Variants in CALN1 observed in about 807,000 individuals in gnomAD.
CALN1 encodes the protein calneuron 1.
A neutral mutation model predicts 30.6 loss-of-function variants in CALN1; 17 were observed. The observed-to-expected ratio is 0.56, with a 90% CI of 0.38 to 0.83. The LOEUF (loss-of-function observed/expected upper bound fraction) is 0.83, where lower values mean the gene tolerates loss of function less well. CALN1 is among the 40% of genes least tolerant of loss of function. The pLI is 0.00. For synonymous variants in CALN1, 156 were observed against 131.4 expected, an observed-to-expected ratio of 1.19 and a Z score of -1.28; for missense variants, 291 against 354.9, an observed-to-expected ratio of 0.82 and a Z score of 1.45.
intron 5 of CALN1, among the ~76,000 whole-genome samples, chr7:71,986,164 C>T (rs1798663571): frequency 6.6e-6 from 1 of 152,126 alleles, no homozygotes; most frequent in Non-Finnish European, 1.5e-5. Context: ...TCTCCTGCGT[C>T]AGCCTCCCGA....
At chr7:71,905,232 C>T (rs12699112) in intron 5 of CALN1, among the ~76,000 whole-genome samples, 3 of 152,032 alleles carry the variant, frequency 2.0e-5, no homozygotes, top group Admixed American at 2.0e-4. Flanking sequence ...AGCCATCGTG[C>T]CTGGCCTATT....
intron 2 of CALN1, among the ~76,000 whole-genome samples, chr7:72,314,402 T>TATATACATATAC (rs1800287803): frequency 6.6e-6 from 1 of 150,820 alleles, no homozygotes; most frequent in South Asian, 2.1e-4. Context: ...TATACACATA[T>TATATACATATAC]ATACACATAT....
At chr7:72,085,603 A>T (rs929438278) in intron 4 of CALN1, among the ~76,000 whole-genome samples, 18 of 152,202 alleles carry the variant, frequency 1.2e-4, no homozygotes, top group African/African-American at 4.3e-4. Context: ...TTATTATATT[A>T]AGACATGAAA....
At chr7:72,181,324 A>G (rs2129546134) in intron 3 of CALN1, among the ~76,000 whole-genome samples, 1 of 150,788 alleles carries the variant, frequency 6.6e-6, no homozygotes, top group African/African-American at 2.4e-5. Flanking sequence ...ATATGAATAT[A>G]TTTTTAATGT....
the CALN1 span, among the ~76,000 whole-genome samples, chr7:72,494,572 G>T: frequency 6.6e-6 from 1 of 152,118 alleles, no homozygotes; most frequent in Non-Finnish European, 1.5e-5. Context: ...ACATGTCTCG[G>T]GTACCACATC....
chr7:72,183,344 AAG>A (rs1789951684), intron 3 of CALN1, among the ~76,000 whole-genome samples: 1 of 152,222 alleles, frequency 6.6e-6, no homozygotes, highest in Admixed American at 6.5e-5. Context: ...GATGGACCAA[AAG>A]AGAGAAAAAG....
chr7:72,237,111 A>G (rs1794523391), intron 3 of CALN1, among the ~76,000 whole-genome samples: 1 of 151,808 alleles, frequency 6.6e-6, no homozygotes, highest in East Asian at 1.9e-4. Context: ...CAGCCTCCCG[A>G]GTAGCTGAGA....
intron 1 of CALN1, among the ~76,000 whole-genome samples, chr7:72,406,852 G>A (rs546819354): frequency 1.3e-5 from 2 of 152,278 alleles, no homozygotes; most frequent in African/African-American, 4.8e-5. Context: ...CTGACCTCAA[G>A]TGATCTGCCT....
At chr7:71,896,916 G>A (rs1157538131) in intron 5 of CALN1, among the ~76,000 whole-genome samples, 1 of 152,180 alleles carries the variant, frequency 6.6e-6, no homozygotes, top group South Asian at 2.1e-4. Flanking sequence ...TTGCATGTTT[G>A]CCAAGGAGGA....
At chr7:71,968,905 C>T (rs564455935) in intron 5 of CALN1, among the ~76,000 whole-genome samples, 49 of 150,200 alleles carry the variant, frequency 3.3e-4, no homozygotes, top group South Asian at 3.0e-3. Context: ...TTTAATTAGC[C>T]AGTTATAGTG....
At chr7:72,096,121 C>T (rs925901539) in intron 4 of CALN1, among the ~76,000 whole-genome samples, 1 of 151,996 alleles carries the variant, frequency 6.6e-6, no homozygotes, top group Non-Finnish European at 1.5e-5. Flanking sequence ...AAGGAAAATT[C>T]TGATTCAGCA....
intron 3 of CALN1, among the ~76,000 whole-genome samples, chr7:72,185,974 G>A (rs1308078490): frequency 6.6e-6 from 1 of 152,056 alleles, no homozygotes; most frequent in Non-Finnish European, 1.5e-5. Flanking sequence ...ACAAACTAAT[G>A]CAGAGGGATT....
At chr7:71,885,659 T>C (rs936636154) in intron 5 of CALN1, among the ~76,000 whole-genome samples, 2 of 152,214 alleles carry the variant, frequency 1.3e-5, no homozygotes, top group African/African-American at 4.8e-5. Context: ...CTTTTGGGAG[T>C]GAGTTCTGTT....
At chr7:72,337,125 G>A in intron 2 of CALN1, 1 of 985,732 alleles carries the variant, frequency 1.0e-6, no homozygotes, top group South Asian at 4.7e-5. Flanking sequence ...GGAGCCCAGT[G>A]GCCGAGGCCC....
At chr7:72,040,600 C>A (rs943845912) in intron 4 of CALN1, among the ~76,000 whole-genome samples, 2 of 152,176 alleles carry the variant, frequency 1.3e-5, no homozygotes, top group African/African-American at 4.8e-5. Context: ...GGAGACAAGG[C>A]CTTTAAGGAA....
At chr7:71,957,577 T>C (rs1253818038) in intron 5 of CALN1, among the ~76,000 whole-genome samples, 3 of 152,186 alleles carry the variant, frequency 2.0e-5, no homozygotes, top group Non-Finnish European at 4.4e-5. Context: ...AACTTACAAA[T>C]GGCAAATCTC....
At chr7:72,281,983 T>C (rs996611124) in intron 2 of CALN1, among the ~76,000 whole-genome samples, 3 of 152,202 alleles carry the variant, frequency 2.0e-5, no homozygotes, top group African/African-American at 4.8e-5. Context: ...ATTCAGTTCA[T>C]TTAGTCTCTG....
At chr7:72,183,413 G>C (rs1337636446) in intron 3 of CALN1, among the ~76,000 whole-genome samples, 3 of 152,072 alleles carry the variant, frequency 2.0e-5, no homozygotes, top group Non-Finnish European at 2.9e-5. Flanking sequence ...AATTATGAGA[G>C]TCTAGAAGTA....
At chr7:72,063,131 G>C (rs1803779228) in intron 4 of CALN1, among the ~76,000 whole-genome samples, 1 of 152,098 alleles carries the variant, frequency 6.6e-6, no homozygotes, top group Non-Finnish European at 1.5e-5. Flanking sequence ...CAAAAAAAAG[G>C]ATCAAGCTGT....
Sources: allele counts gnomAD v4.1 joint callset (sites outside exome capture counted in the v4.1 genomes callset), GRCh38; gene constraint gnomAD v4.1.1; transcripts MANE v1.5; gene names NCBI Gene and HGNC (gene_info 2026-07-23, HGNC 2026-07-21).